OPCML: variants seen among roughly 807,000 people sequenced by gnomAD.
OPCML encodes opioid-binding protein/cell adhesion molecule.
OPCML carries 13 observed loss-of-function variants against 37.8 expected under a neutral mutation model. The observed-to-expected ratio is 0.34, with a 90% CI of 0.22 to 0.55. The LOEUF (loss-of-function observed/expected upper bound fraction) is 0.55. OPCML is among the 20% of genes least tolerant of loss of function. The probability of loss-of-function intolerance (pLI) is 0.91; values close to 1 mark genes in which losing one functional copy is unlikely to be tolerated. For missense variants in OPCML, 341 were observed against 435.6 expected, an observed-to-expected ratio of 0.78 and a Z score of 1.93; for synonymous variants, 176 against 168.8, an observed-to-expected ratio of 1.04 and a Z score of -0.33.
rs967769263 is a variant in OPCML, at chr11:133,474,743, T to C, written c.61+57521A>G. Among the ~76,000 whole-genome samples the C allele has an allele frequency of 4.6e-5, 7 of 152,202 alleles. No individual in the cohort carries two copies. The East Asian group carries it at 5.8e-4, about 13-fold the overall frequency. On this transcript the variant is annotated intron_variant, in intron 1 of 7. Coordinates refer to ENST00000524381, the MANE Select transcript of OPCML (RefSeq NM_001012393.5). ...CCAAGACTTGGCCTGAACCTACTTC[T>C]TTCAGATTCATTCTTTGCATGAAAA...
chr11:133,442,237 T>G (rs1390608704), intron 1 of OPCML, among the ~76,000 whole-genome samples: 1 of 152,212 alleles, frequency 6.6e-6, no homozygotes, highest in East Asian at 1.9e-4. Context: ...GCTTTTATTG[T>G]TTTTGTTTTT....
At chr11:133,161,588 C>T (rs1950142430) in intron 1 of OPCML, among the ~76,000 whole-genome samples, 1 of 152,042 alleles carries the variant, frequency 6.6e-6, no homozygotes, top group Non-Finnish European at 1.5e-5. Flanking sequence ...GTCAGCTGGC[C>T]GATATTGAGG....
chr11:132,960,580 A>G (rs6590670), intron 1 of OPCML, among the ~76,000 whole-genome samples: 69,784 of 151,642 alleles, frequency 0.46, 16,388 homozygotes, highest in East Asian at 0.76. Context: ...ATTTTCCACC[A>G]TCTCCCTCCC....
intron 1 of OPCML, among the ~76,000 whole-genome samples, chr11:133,327,637 A>G (rs1011760226): frequency 3.3e-5 from 5 of 152,162 alleles, no homozygotes; most frequent in Non-Finnish European, 7.3e-5. Flanking sequence ...ACTTCTGTTT[A>G]AGGACCAACA....
chr11:132,757,543 A>G (rs1591564957), intron 2 of OPCML, among the ~76,000 whole-genome samples: 2 of 152,148 alleles, frequency 1.3e-5, no homozygotes, highest in Admixed American at 1.3e-4. Context: ...GCGTTTCTCT[A>G]ATGACCAGTG....
chr11:132,745,117 T>G (rs925910199), intron 2 of OPCML, among the ~76,000 whole-genome samples: 5 of 152,212 alleles, frequency 3.3e-5, no homozygotes, highest in Non-Finnish European at 4.4e-5. Context: ...GTAGACTTCA[T>G]GGTCTGTGGC....
Position 133,289,625 on chromosome 11 carries a change from T to C in OPCML, c.61+242639A>G, listed in dbSNP as rs573690927. ...AAAAAAAAAAAAAAAAAAATTGACA[T>C]ATTAGTTTCACGCTATTCCCATCAG... On this transcript the variant is annotated intron_variant, in intron 1 of 7. Transcript: ENST00000524381. Among the ~76,000 whole-genome samples the C allele has an allele frequency of 3.4e-5, 5 of 148,742 alleles. No individual in the cohort carries two copies. The East Asian group carries it at 9.9e-4, about 30-fold the overall frequency.
intron 2 of OPCML, among the ~76,000 whole-genome samples, chr11:132,806,471 A>G (rs1939016531): frequency 6.6e-6 from 1 of 152,148 alleles, no homozygotes; most frequent in South Asian, 2.1e-4. Flanking sequence ...ATTGATATCA[A>G]ACAAAGTAGA....
chr11:132,915,331 A>C (rs1944569519), intron 2 of OPCML, among the ~76,000 whole-genome samples: 1 of 152,212 alleles, frequency 6.6e-6, no homozygotes, highest in African/African-American at 2.4e-5. Flanking sequence ...CATTTCTGGC[A>C]TCCACATGTG....
intron 2 of OPCML, among the ~76,000 whole-genome samples, chr11:132,735,846 A>C (rs1428561300): frequency 1.3e-5 from 2 of 152,174 alleles, no homozygotes; most frequent in Non-Finnish European, 1.5e-5. Context: ...AGATGGTACA[A>C]AATTAAAGAG....
intron 4 of OPCML, among the ~76,000 whole-genome samples, chr11:132,492,529 G>T (rs528468231): frequency 6.6e-6 from 1 of 152,186 alleles, no homozygotes; most frequent in East Asian, 1.9e-4. Context: ...TGTCGTTGTT[G>T]TTGTTGTTTT....
chr11:133,186,237 AG>A (rs147485806), intron 1 of OPCML, among the ~76,000 whole-genome samples: 2,722 of 152,314 alleles, frequency 0.018, 88 homozygotes, highest in African/African-American at 0.062. Context: ...TATGCCTGTA[AG>A]CTCCAAAAGA....
intron 3 of OPCML, among the ~76,000 whole-genome samples, chr11:132,557,921 T>C (rs1164383711): frequency 6.6e-6 from 1 of 152,194 alleles, no homozygotes; most frequent in Non-Finnish European, 1.5e-5. Context: ...TAAAATCTTC[T>C]CTTACTCATC....
chr11:132,602,677 G>A (rs2137788500), intron 3 of OPCML, among the ~76,000 whole-genome samples: 1 of 152,338 alleles, frequency 6.6e-6, no homozygotes, highest in South Asian at 2.1e-4. Flanking sequence ...TTTTGCCTGT[G>A]AAGACCTGGG....
chr11:133,438,474 T>C (rs1299947922), intron 1 of OPCML, among the ~76,000 whole-genome samples: 1 of 152,092 alleles, frequency 6.6e-6, no homozygotes, highest in Non-Finnish European at 1.5e-5. Context: ...TTTTAAACTC[T>C]GAAAAATAAA....
chr11:132,633,247 A>C (rs1178030868), intron 3 of OPCML, among the ~76,000 whole-genome samples: 1 of 152,144 alleles, frequency 6.6e-6, no homozygotes, highest in East Asian at 1.9e-4. Context: ...CTGTCGCCCA[A>C]GCTGGAGTTC....
chr11:133,100,895 TG>T (rs1380979164), intron 1 of OPCML, among the ~76,000 whole-genome samples: 3 of 152,186 alleles, frequency 2.0e-5, no homozygotes, highest in Non-Finnish European at 4.4e-5. Flanking sequence ...TAGATGACCT[TG>T]GATACAACAA....
chr11:133,342,791 G>C (rs899758584), intron 1 of OPCML, among the ~76,000 whole-genome samples: 1 of 152,096 alleles, frequency 6.6e-6, no homozygotes, highest in Non-Finnish European at 1.5e-5. Flanking sequence ...GACATAGAGG[G>C]AGCAAGAACC....
At chr11:132,473,086 C>T (rs2096143134) in intron 4 of OPCML, among the ~76,000 whole-genome samples, 1 of 152,142 alleles carries the variant, frequency 6.6e-6, no homozygotes, top group Non-Finnish European at 1.5e-5. Context: ...TAATGCACGG[C>T]AATGAAAAAT....
Sources: gnomAD v4.1 joint callset for allele counts (sites outside exome capture counted in the v4.1 genomes callset) on GRCh38, gnomAD v4.1.1 for gene constraint, MANE v1.5 for transcripts, NCBI Gene and HGNC (gene_info 2026-07-23, HGNC 2026-07-21) for gene names.